CLN8: variants seen among roughly 807,000 people sequenced by gnomAD.
CLN8 encodes CLN8 transmembrane ER and ERGIC protein.
Under a neutral mutation model 15.7 loss-of-function variants are expected in CLN8, and 14 were observed. The ratio of observed to expected loss-of-function variants is 0.89; its 90% CI spans 0.59 to 1.39. CLN8 has a LOEUF of 1.39. Among genes scored for constraint, CLN8 ranks in the 40% most tolerant of loss-of-function variants. The pLI is 0.00. For missense variants in CLN8, 415 were observed against 364.0 expected, an observed-to-expected ratio of 1.14 and a Z score of -1.14; for synonymous variants, 188 against 151.0, an observed-to-expected ratio of 1.25 and a Z score of -1.80.
chr8:1,771,322 G>A lies in CLN8; in HGVS notation c.268G>A (p.Val90Met). The stretch of plus-strand genomic sequence containing the variant: ...CCTGTGGGCTCTGCTGGGGGACCCT[G>A]TGCTGCATGCCGACAAGGCGCGTGG... ...AGLWALLGDP[V>M]LHADKARGQQ... The change falls in exon 2 of 3, where the codon GTG becomes ATG. Residue 90 changes from valine (V) to methionine (M), a missense_variant. Val to Met is a conservative substitution (Grantham distance 21). Transcript: ENST00000331222. 1 of 1,614,188 alleles carries A rather than the reference G, an allele frequency of 6.2e-7. No individual in the cohort carries two copies. Among genetic ancestry groups the A allele is most frequent in the Non-Finnish European group, 8.5e-7 (1 of 1,180,042 alleles).
chr8:1,771,686 G>T (rs1026429858), intron 2 of CLN8, 89 bp downstream of exon 2: 7 of 1,230,282 alleles, frequency 5.7e-6, no homozygotes, highest in Non-Finnish European at 8.1e-6. Context: ...AAACTCAACA[G>T]CAGGCTGGAT....
Position 1,784,787 on chromosome 8 carries a change from T to C in CLN8, c.*4220T>C, listed in dbSNP as rs1338251317. 1.3e-5 allele frequency: 2 copies of C among 152,750 alleles called. No homozygotes were observed. The highest frequency in any genetic ancestry group is 3.9e-4 in the East Asian group (2 of 5,172). The allele number at this position is 152,750 out of a possible 1,614,324, so 9.5% of individuals were successfully genotyped here. On this transcript the variant is annotated 3_prime_UTR_variant, in exon 3 of 3. Transcript: ENST00000331222. ...GGGGACACCTGCTGAGGGGGGAATTTACCACGGTAAGGGCAGGGCTGGGAG... is the reference window on the plus strand; with the variant it reads ...GGGGACACCTGCTGAGGGGGGAATTCACCACGGTAAGGGCAGGGCTGGGAG...
At chr8:1,769,769 A>G (rs1801225190) in intron 1 of CLN8, among the ~76,000 whole-genome samples, 1 of 152,158 alleles carries the variant, frequency 6.6e-6, no homozygotes, top group Admixed American at 6.5e-5. Flanking sequence ...TTTCAGCATG[A>G]TTCAGCATCT....
chr8:1,776,009 G>T (rs1193191029), intron 2 of CLN8, among the ~76,000 whole-genome samples: 1 of 152,192 alleles, frequency 6.6e-6, no homozygotes, highest in East Asian at 1.9e-4. Context: ...GCACACGTGT[G>T]TGGTGGTGCT....
In CLN8 at chr8:1,783,603, C is replaced by G. The variant is rs2129016071; in HGVS notation, c.*3036C>G. 6.6e-6 allele frequency: 1 copy of G among 151,484 alleles called. No homozygotes were observed. Among genetic ancestry groups the G allele is most frequent in the African/African-American group, 2.4e-5 (1 of 41,284 alleles). The allele number at this position is 151,484 out of a possible 1,614,324, so 9.4% of individuals were successfully genotyped here. ...GAAGACCAAGGGTTGGTGCAGCCTCCTCGCCGCGCTGCGGGGGCTGGGCCG... is the reference window on the plus strand; with the variant it reads ...GAAGACCAAGGGTTGGTGCAGCCTCGTCGCCGCGCTGCGGGGGCTGGGCCG... On this transcript the variant is annotated 3_prime_UTR_variant, in exon 3 of 3. Transcript: ENST00000331222.
upstream of CLN8, chr8:1,760,064 A>G (rs143279741): frequency 6.6e-6 from 1 of 152,190 alleles, no homozygotes; most frequent in East Asian, 1.9e-4. Flanking sequence ...CTGACACCTC[A>G]ATTAAGTCAT....
At chr8:1,755,455 G>A (rs555528516), upstream of CLN8, among the ~76,000 whole-genome samples, 127 of 152,220 alleles carry the variant, frequency 8.3e-4, no homozygotes, top group Middle Eastern at 0.017. Flanking sequence ...CACCTTTGTG[G>A]TCTGGCAAGA....
At position 1,780,376 on chromosome 8, in the gene CLN8, A is replaced by T; in HGVS notation, c.670A>T (p.Ser224Cys). The change falls in exon 3 of 3, where the codon AGC (serine) becomes TGC (cysteine). Residue 224 changes from serine (S) to cysteine (C), a missense_variant. Coordinates refer to ENST00000331222, the MANE Select transcript of CLN8 (RefSeq NM_018941.4). ...TTTCTGGCACTGGGACGGCCTGGTC[A>T]GCAGCCTGTATCTGCCTCATTTGAC... ...VCFWHWDGLV[S>C]SLYLPHLTLF... 1 of 1,614,232 alleles carries T rather than the reference A, an allele frequency of 6.2e-7. No homozygotes were observed. Among genetic ancestry groups the T allele is most frequent in the South Asian group, 1.1e-5 (1 of 91,090 alleles).
At chr8:1,754,423 G>C (rs1800621146), upstream of CLN8, among the ~76,000 whole-genome samples, 1 of 152,072 alleles carries the variant, frequency 6.6e-6, no homozygotes, top group South Asian at 2.1e-4. Context: ...CTCTCCACTG[G>C]GTCTCTTTAT....
At chr8:1,766,152 C>T (rs937344340) in intron 1 of CLN8, among the ~76,000 whole-genome samples, 1 of 152,090 alleles carries the variant, frequency 6.6e-6, no homozygotes, top group Admixed American at 6.5e-5. Context: ...AACTTCATGG[C>T]CCAGTGCAAT....
upstream of CLN8, chr8:1,762,219 T>C (rs992163850): frequency 2.0e-5 from 3 of 152,156 alleles, no homozygotes; most frequent in Non-Finnish European, 2.9e-5. Flanking sequence ...AGAGTTTCAT[T>C]CTTGTTGCCC....
At chr8:1,770,885 T>C in intron 1 of CLN8, 47 bp from the exon 2 acceptor site, 1 of 662,016 alleles carries the variant, frequency 1.5e-6, no homozygotes, top group Non-Finnish European at 2.7e-6. Context: ...TAGTGATGTG[T>C]CCTTGTTTCT....
At position 1,771,324 on chromosome 8, in the gene CLN8, G is replaced by T; in HGVS notation, c.270G>T (p.Val90=). Residue 90 remains valine (V), a synonymous_variant, in exon 2 of 3, where the codon GTG becomes GTT. Coordinates refer to ENST00000331222, the MANE Select transcript of CLN8 (RefSeq NM_018941.4). ...TGTGGGCTCTGCTGGGGGACCCTGT[G>T]CTGCATGCCGACAAGGCGCGTGGCC... ...AGLWALLGDP[V]LHADKARGQQ... is the part of the protein sequence containing the mutation. 1 of 1,614,212 alleles carries T rather than the reference G, an allele frequency of 6.2e-7. No homozygotes were observed. The highest frequency in any genetic ancestry group is 8.5e-7 in the Non-Finnish European group (1 of 1,180,046).
At position 1,776,601 on chromosome 8, in the gene CLN8, A is replaced by G. The variant is rs1394908055; in HGVS notation, c.544-3649A>G. On this transcript the variant is annotated intron_variant, in intron 2 of 2. Transcript: ENST00000331222. The stretch of plus-strand genomic sequence containing the variant: ...CGTTTGTGTAGCGATGCTGCAGTCC[A>G]TTGCGTGGCAGAAGGAGCATTGTCT... 1.3e-5 allele frequency among the ~76,000 whole-genome samples: 2 copies of G among 152,372 alleles called. 1 individual carries two copies. The highest frequency in any genetic ancestry group is 6.8e-3 in the Middle Eastern group (2 of 294).
chr8:1,768,556 TACTCGTGG>T (rs753726693), intron 1 of CLN8, among the ~76,000 whole-genome samples: 62 of 152,200 alleles, frequency 4.1e-4, no homozygotes, highest in Non-Finnish European at 6.8e-4. Flanking sequence ...GCTGATGACC[TACTCGTGG>T]AAAAGTACAG....
At position 1,771,484 on chromosome 8, in the gene CLN8, C is replaced by G; in HGVS notation, c.430C>G (p.Leu144Val). 6.2e-7 allele frequency: 1 copy of G among 1,614,196 alleles called. No individual in the cohort carries two copies. Among genetic ancestry groups the G allele is most frequent in the Non-Finnish European group, 8.5e-7 (1 of 1,180,030 alleles). ...FLVIHHLFAF[L>V]GFLGCLVNLQ... Reference sequence around the variant, plus strand: ...GGTTATCCACCATCTCTTTGCCTTTCTTGGGTTTCTTGGCTGCTTGGTCAA... The same window carrying G: ...GGTTATCCACCATCTCTTTGCCTTTGTTGGGTTTCTTGGCTGCTTGGTCAA... The change falls in exon 2 of 3, where the codon CTT (leucine) becomes GTT (valine). Residue 144 changes from leucine (L) to valine (V), a missense_variant. Transcript: ENST00000331222.
chr8:1,763,372 G>GCCGCCCCACAGCGC (rs1800861098), upstream of CLN8: 1 of 45,552 alleles, frequency 2.2e-5, no homozygotes, highest in Admixed American at 3.1e-4. Flanking sequence ...CGTCCACCCC[G>GCCGCCCCACAGCGC]CCGCCCCACA....
intron 1 of CLN8, among the ~76,000 whole-genome samples, chr8:1,757,857 T>C (rs1388141740): frequency 2.0e-5 from 3 of 152,192 alleles, no homozygotes; most frequent in Non-Finnish European, 2.9e-5. Context: ...GGGGTTATCA[T>C]TTTCAACAGG....
At position 1,780,282 on chromosome 8, in the gene CLN8, C is replaced by T. The variant is rs773400504; in HGVS notation, c.576C>T (p.Leu192=). 8.7e-6 allele frequency: 14 copies of T among 1,614,270 alleles called. No homozygotes were observed. In the South Asian group the frequency reaches 1.5e-4, roughly 18 times the overall value. The change falls in exon 3 of 3, where the codon CTC becomes CTT. Residue 192 remains leucine, a synonymous_variant. Coordinates refer to ENST00000331222, the MANE Select transcript of CLN8 (RefSeq NM_018941.4). ...AGWSESLFWK[L]NQWLMIHMFH... is the part of the protein sequence containing the mutation. ...GGTCCGAGTCTCTGTTTTGGAAGCT[C>T]AACCAGTGGCTGATGATTCACATGT...
Sources: gnomAD v4.1 joint callset for allele counts (sites outside exome capture counted in the v4.1 genomes callset) on GRCh38, gnomAD v4.1.1 for gene constraint, MANE v1.5 for transcripts, NCBI Gene and HGNC (gene_info 2026-07-23, HGNC 2026-07-21) for gene names.